The following CTNNA2 variants were observed in gnomAD, a reference collection of about 807,000 sequenced individuals.
The protein encoded by CTNNA2 is catenin alpha 2.
CTNNA2 carries 42 observed loss-of-function variants against 101.0 expected under a neutral mutation model. The observed-to-expected ratio is 0.42, with a 90% confidence interval of 0.32 to 0.54. The LOEUF is 0.54. Ranked by LOEUF, CTNNA2 falls within the 20% of genes least tolerant of loss-of-function variation. CTNNA2 has a pLI of 0.14. For missense variants in CTNNA2, 871 were observed against 1,223.1 expected, an observed-to-expected ratio of 0.71 and a Z score of 4.29; for synonymous variants, 450 against 456.4, an observed-to-expected ratio of 0.99 and a Z score of 0.18.
intron 4 of CTNNA2, chr2:79,500,576 C>T (rs947964394): frequency 6.6e-6 from 1 of 152,112 alleles, no homozygotes; most frequent in Non-Finnish European, 1.5e-5. Context: ...TTTCTCTCAC[C>T]CCACCCTTCT....
intron 2 of CTNNA2, among the ~76,000 whole-genome samples, chr2:79,241,884 A>C (rs1674629806): frequency 6.7e-6 from 1 of 149,124 alleles, no homozygotes; most frequent in Non-Finnish European, 1.5e-5. Flanking sequence ...ACATTTGGGT[A>C]TTTTCTTTTC....
At chr2:80,529,695 A>G (rs1186040640) in intron 9 of CTNNA2, among the ~76,000 whole-genome samples, 1 of 152,206 alleles carries the variant, frequency 6.6e-6, no homozygotes, top group Non-Finnish European at 1.5e-5. Context: ...TCTAGAGCAC[A>G]AAACTAAACA....
At chr2:79,244,830 C>G (rs1175854107) in intron 2 of CTNNA2, among the ~76,000 whole-genome samples, 2 of 152,186 alleles carry the variant, frequency 1.3e-5, no homozygotes, top group Non-Finnish European at 2.9e-5. Context: ...CACAGTGGCT[C>G]ACACCTGTAA....
At chr2:79,518,870 C>T (rs1379884231) in intron 1 of CTNNA2, among the ~76,000 whole-genome samples, 1 of 148,790 alleles carries the variant, frequency 6.7e-6, no homozygotes, top group East Asian at 1.9e-4. Context: ...AGAGTAATTT[C>T]ACAAAATATG....
intron 6 of CTNNA2, among the ~76,000 whole-genome samples, chr2:79,890,364 G>A (rs1003091979): frequency 2.0e-5 from 3 of 152,158 alleles, no homozygotes; most frequent in Non-Finnish European, 4.4e-5. Context: ...GTATGCAAAT[G>A]CAGTTTGAAG....
In CTNNA2 at chr2:79,901,180, A is replaced by C. The variant is rs537072734; in HGVS notation, c.853-8414A>C. ...CAGAAGGACATATTCCTTTGAAAGA[A>C]TGACTTTGACTAATGTTAACTTTCT... On this transcript the variant is annotated intron_variant, in intron 6 of 18. Coordinates refer to ENST00000402739, the MANE Select transcript of CTNNA2 (RefSeq NM_001282597.3). Among the ~76,000 whole-genome samples the C allele has an allele frequency of 3.3e-5, 5 of 151,686 alleles. No homozygotes were observed. In the South Asian group the frequency reaches 1.0e-3, roughly 32 times the overall value.
chr2:79,218,351 A>T (rs138239617), intron 2 of CTNNA2, among the ~76,000 whole-genome samples: 1,558 of 116,728 alleles, frequency 0.013, 9 homozygotes, highest in Middle Eastern at 0.03. Flanking sequence ...GTGTGTGTGT[A>T]TTTTTTTTTT....
At chr2:79,494,311 C>A (rs1427955879) in intron 4 of CTNNA2, among the ~76,000 whole-genome samples, 3 of 150,220 alleles carry the variant, frequency 2.0e-5, no homozygotes, top group African/African-American at 7.4e-5. Context: ...ACGAACCAAT[C>A]CTAAAATTTA....
chr2:80,203,720 A>G (rs555071487), intron 7 of CTNNA2, among the ~76,000 whole-genome samples: 1 of 152,258 alleles, frequency 6.6e-6, no homozygotes, highest in East Asian at 1.9e-4. Context: ...TTTCTGGAGG[A>G]TGGTGGCCCT....
At chr2:79,398,109 A>G (rs1023632646) in intron 4 of CTNNA2, among the ~76,000 whole-genome samples, 3 of 152,106 alleles carry the variant, frequency 2.0e-5, no homozygotes, top group African/African-American at 7.2e-5. Flanking sequence ...ATAATTCTCT[A>G]TGATATTTTA....
intron 8 of CTNNA2, among the ~76,000 whole-genome samples, chr2:80,398,456 G>C (rs1163369324): frequency 6.6e-6 from 1 of 152,038 alleles, no homozygotes; most frequent in Non-Finnish European, 1.5e-5. Flanking sequence ...TTGGAGTCTA[G>C]GTCAGATTGT....
Position 80,095,489 on chromosome 2 carries a change from C to A in CTNNA2, c.1056+185692C>A, listed in dbSNP as rs1700087411. ...CTTTTTTTGTTGTGTCTCTGCCAGG[C>A]TTTGGTATCAGGATGATGCTGGCCT... On this transcript the variant is annotated intron_variant, in intron 7 of 18. Transcript: ENST00000402739. Among the ~76,000 whole-genome samples, 3 of 152,128 alleles carry A rather than the reference C, an allele frequency of 2.0e-5. No homozygotes were observed. In the South Asian group the frequency reaches 6.2e-4, roughly 32 times the overall value.
At chr2:80,317,062 G>A (rs1678199959) in intron 7 of CTNNA2, among the ~76,000 whole-genome samples, 1 of 152,034 alleles carries the variant, frequency 6.6e-6, no homozygotes, top group Admixed American at 6.6e-5. Flanking sequence ...CATGAGATAT[G>A]CATACCAAGC....
intron 7 of CTNNA2, among the ~76,000 whole-genome samples, chr2:79,923,995 T>C (rs1260603699): frequency 1.3e-5 from 2 of 152,144 alleles, no homozygotes; most frequent in African/African-American, 4.8e-5. Flanking sequence ...ATCAGTATGT[T>C]GAAGGCATCT....
At chr2:79,542,038 C>CT (rs67066987) in intron 1 of CTNNA2, among the ~76,000 whole-genome samples, 10 of 151,532 alleles carry the variant, frequency 6.6e-5, no homozygotes, top group Admixed American at 2.6e-4. Context: ...CTTATAATTT[C>CT]TTTTTTTTTC....
chr2:80,508,300 C>CCT lies in CTNNA2; in HGVS notation c.1291-36675_1291-36674dup, dbSNP rs544321760. ...ACCAGCCTGGGTAATATGGTGAAAC[C>CCT]CTCTCTCTACTAAAAATAATAATAA... On this transcript the variant is annotated intron_variant, in intron 9 of 18. Transcript: ENST00000402739. Among the ~76,000 whole-genome samples the CCT allele has an allele frequency of 4.4e-3, 676 of 152,032 alleles. 2 individuals carry two copies. Among genetic ancestry groups the CCT allele is most frequent in the Middle Eastern group, 0.01 (3 of 294 alleles).
chr2:80,065,296 G>A (rs748564426), intron 7 of CTNNA2, among the ~76,000 whole-genome samples: 1 of 151,966 alleles, frequency 6.6e-6, no homozygotes, highest in Non-Finnish European at 1.5e-5. Flanking sequence ...GGCAGAAGTC[G>A]ATATACCTAG....
chr2:80,592,312 C>T (rs978806256), intron 15 of CTNNA2, among the ~76,000 whole-genome samples: 3 of 152,158 alleles, frequency 2.0e-5, no homozygotes, highest in Non-Finnish European at 4.4e-5. Flanking sequence ...ATTCTCTACT[C>T]ATCCAGGCCA....
At chr2:80,313,537 A>G (rs1350291211) in intron 7 of CTNNA2, 1 of 1,607,872 alleles carries the variant, frequency 6.2e-7, no homozygotes, top group Non-Finnish European at 8.5e-7. Context: ...AAGACCAGGT[A>G]GAGGAAGGAA....
Sources: gnomAD v4.1 joint callset for allele counts (sites outside exome capture counted in the v4.1 genomes callset) on GRCh38, gnomAD v4.1.1 for gene constraint, MANE v1.5 for transcripts, NCBI Gene and HGNC (gene_info 2026-07-23, HGNC 2026-07-21) for gene names.